Variants in LGALS9 observed in about 807,000 individuals in gnomAD.
The protein encoded by LGALS9 is galectin-9.
A neutral mutation model predicts 35.9 loss-of-function variants in LGALS9; 26 were observed. That is an observed-to-expected ratio of 0.72 (90% CI 0.53 to 1.01). The LOEUF (loss-of-function observed/expected upper bound fraction) is 1.01, where lower values mean the gene tolerates loss of function less well. Ranked by LOEUF, LGALS9 falls within the 50% of genes least tolerant of loss-of-function variation. The pLI is 0.00. For missense variants in LGALS9, 347 were observed against 445.8 expected, an observed-to-expected ratio of 0.78 and a Z score of 1.99; for synonymous variants, 149 against 172.2, an observed-to-expected ratio of 0.87 and a Z score of 1.06.
At chr17:27,645,037 C>T (rs1016722879) in intron 5 of LGALS9, 8 of 541,204 alleles carry the variant, frequency 1.5e-5, no homozygotes, top group African/African-American at 3.9e-5. Flanking sequence ...GCTGTGGGAG[C>T]TACAGAAAGC....
intron 10 of LGALS9, among the ~76,000 whole-genome samples, chr17:27,648,285 C>A (rs574651468): frequency 6.6e-6 from 1 of 152,278 alleles, no homozygotes; most frequent in South Asian, 2.1e-4. Flanking sequence ...GCTGTGTGAC[C>A]TCGGACAAGT....
chr17:27,640,300 A>T, intron 2 of LGALS9: 1 of 515,202 alleles, frequency 1.9e-6, no homozygotes, highest in Non-Finnish European at 3.5e-6. Context: ...TCCAAGACCT[A>T]TGTTTCTTGT....
intron 1 of LGALS9, among the ~76,000 whole-genome samples, chr17:27,637,346 C>G (rs2074463970): frequency 6.6e-6 from 1 of 152,166 alleles, no homozygotes; most frequent in Non-Finnish European, 1.5e-5. Context: ...TCCTATTTTA[C>G]AGATGAGGAA....
intron 9 of LGALS9, 70 bp from the exon 10 acceptor site, chr17:27,647,200 T>TA: frequency 6.2e-7 from 1 of 1,613,708 alleles, no homozygotes; most frequent in Non-Finnish European, 8.5e-7. Flanking sequence ...TCAGGAAGGC[T>TA]ACTGATGATG....
chr17:27,643,441 C>T, intron 4 of LGALS9, 84 bp from the exon 5 acceptor site: 1 of 1,588,362 alleles, frequency 6.3e-7, no homozygotes, highest in South Asian at 1.1e-5. Flanking sequence ...TGGTCTCTCC[C>T]TCTTGCCCCT....
chr17:27,638,413 G>A, intron 2 of LGALS9, 59 bp downstream of exon 2: 1 of 623,438 alleles, frequency 1.6e-6, no homozygotes, highest in Non-Finnish European at 2.9e-6. Flanking sequence ...GTAAACCACT[G>A]TGCCTGTGAG....
At chr17:27,647,486 G>A (rs1905040814) in intron 10 of LGALS9, 54 bp downstream of exon 10, 9 of 1,605,082 alleles carry the variant, frequency 5.6e-6, no homozygotes, top group Non-Finnish European at 7.7e-6. Context: ...CACAGGGGGA[G>A]GGGGTAAAGG....
intron 1 of LGALS9, among the ~76,000 whole-genome samples, chr17:27,637,661 G>T (rs781764081): frequency 6.6e-6 from 1 of 152,144 alleles, no homozygotes; most frequent in Non-Finnish European, 1.5e-5. Flanking sequence ...CTGGGAAGAC[G>T]CTCTGCTGAA....
chr17:27,636,486 T>C (rs1455563853), intron 1 of LGALS9, among the ~76,000 whole-genome samples: 2 of 152,164 alleles, frequency 1.3e-5, no homozygotes, highest in Non-Finnish European at 2.9e-5. Flanking sequence ...TTGGGGGGTT[T>C]CAAGACAGGA....
At chr17:27,639,971 C>T (rs1168539785) in intron 2 of LGALS9, among the ~76,000 whole-genome samples, 6 of 151,964 alleles carry the variant, frequency 3.9e-5, no homozygotes, top group Admixed American at 6.6e-5. Context: ...CTCCAGACCT[C>T]GTGATCCACA....
At chr17:27,643,489 C>A (rs780461239) in intron 4 of LGALS9, 36 bp from the exon 5 acceptor site, 71 of 1,609,874 alleles carry the variant, frequency 4.4e-5, no homozygotes, top group Non-Finnish European at 5.6e-5. Context: ...TCTATTAATG[C>A]TTCTCCTCAC....
intron 2 of LGALS9, among the ~76,000 whole-genome samples, chr17:27,639,577 AT>A (rs1904328165): frequency 6.6e-6 from 1 of 151,942 alleles, no homozygotes; most frequent in Non-Finnish European, 1.5e-5. Context: ...TAATTAATTA[AT>A]TTTTTTCTTT....
intron 1 of LGALS9, among the ~76,000 whole-genome samples, chr17:27,632,543 G>A (rs2074403321): frequency 6.6e-6 from 1 of 152,238 alleles, no homozygotes; most frequent in South Asian, 2.1e-4. Context: ...GGGGCTGGGG[G>A]AAGCTGGAAC....
chr17:27,632,436 G>A (rs1191953279), intron 1 of LGALS9, among the ~76,000 whole-genome samples: 1 of 152,202 alleles, frequency 6.6e-6, no homozygotes, highest in East Asian at 1.9e-4. Flanking sequence ...AAACTCCAGA[G>A]AGAAAGAATG....
chr17:27,642,080 T>C (rs924229721), intron 3 of LGALS9, among the ~76,000 whole-genome samples, 158 bp from the exon 4 acceptor site: 3 of 151,814 alleles, frequency 2.0e-5, no homozygotes, highest in Non-Finnish European at 4.4e-5. Context: ...GAGACTCGGG[T>C]TGATGCACTT....
At chr17:27,645,730 C>G (rs536946011) in intron 6 of LGALS9, 131 bp from the exon 7 acceptor site, 1 of 707,908 alleles carries the variant, frequency 1.4e-6, no homozygotes, top group Non-Finnish European at 2.4e-6. Context: ...TGGGCCCACC[C>G]TCTGTGGGGT....
chr17:27,643,674 G>A lies in LGALS9; in HGVS notation c.540+54G>A, dbSNP rs536167443. On this transcript the variant is annotated intron_variant, in intron 5 of 10. Coordinates refer to ENST00000395473, the MANE Select transcript of LGALS9 (RefSeq NM_009587.3). ...CCGAGCAGACAGTAGGAAGGACCGA[G>A]GGTCTGAGAGGCTGGCCCCAGCCAG... is the stretch of plus-strand genomic sequence containing the variant. The A allele has an allele frequency of 4.8e-5, 73 of 1,529,998 alleles. No individual in the cohort carries two copies. In the East Asian group the frequency reaches 1.6e-3, roughly 34 times the overall value. 94.8% of individuals were successfully genotyped at this position (1,529,998 alleles called of 1,614,324 possible). A position where few individuals can be genotyped will look rare whatever the true frequency, so the allele number is the denominator to read the frequency against.
At chr17:27,646,914 A>G in intron 8 of LGALS9, 116 bp from the exon 9 acceptor site, 3 of 1,481,834 alleles carry the variant, frequency 2.0e-6, no homozygotes, top group Non-Finnish European at 1.8e-6. Flanking sequence ...TTTGGCTTTT[A>G]TGGAACCAAG....
intron 1 of LGALS9, among the ~76,000 whole-genome samples, chr17:27,634,467 C>T (rs1314379307): frequency 2.0e-5 from 3 of 152,036 alleles, no homozygotes; most frequent in Non-Finnish European, 4.4e-5. Context: ...GGGAGGGTCA[C>T]GTGAGCCTGA....
Sources: allele counts gnomAD v4.1 joint callset (sites outside exome capture counted in the v4.1 genomes callset), GRCh38; gene constraint gnomAD v4.1.1; transcripts MANE v1.5; gene names NCBI Gene and HGNC (gene_info 2026-07-23, HGNC 2026-07-21).